The following TENM1 variants were observed in gnomAD, a reference collection of about 807,000 sequenced individuals.
The protein encoded by TENM1 is teneurin transmembrane protein 1, also known as teneurin-1.
A neutral mutation model predicts 174.8 loss-of-function variants in TENM1; 35 were observed. That is an observed-to-expected ratio of 0.20 (90% CI 0.15 to 0.27). TENM1 has a LOEUF of 0.27. TENM1 is among the 10% of genes least tolerant of loss of function. The pLI is 1.00. For missense variants in TENM1, 1,633 were observed against 2,130.1 expected (o/e 0.77, Z 4.59); for synonymous variants, 781 against 798.7 (o/e 0.98, Z 0.37).
intron 6 of TENM1, among the ~76,000 whole-genome samples, chrX:124,667,195 T>A (rs1444544078): frequency 8.9e-6 from 1 of 111,839 alleles, no homozygotes; most frequent in African/African-American, 3.2e-5. Context: ...TATTTTTAAT[T>A]TTATTTATAG....
At chrX:124,610,371 A>G (rs769016967) in intron 11 of TENM1, among the ~76,000 whole-genome samples, 3 of 112,252 alleles carry the variant, frequency 2.7e-5, no homozygotes, top group Non-Finnish European at 5.6e-5. Context: ...CGAAGTCACT[A>G]AAGGAGGAAC....
intron 14 of TENM1, among the ~76,000 whole-genome samples, chrX:124,553,681 A>G (rs2048631295): frequency 9.2e-6 from 1 of 108,790 alleles, no homozygotes; most frequent in Admixed American, 9.9e-5. Flanking sequence ...CTTCTATCAT[A>G]ATATGTATTT....
chrX:125,062,277 T>C, the TENM1 span, among the ~76,000 whole-genome samples: 3 of 112,105 alleles, frequency 2.7e-5, no homozygotes, highest in African/African-American at 9.7e-5. Context: ...ATCATCATTA[T>C]CTGAGAAATA....
At chrX:124,522,616 T>C (rs6649251) in intron 17 of TENM1, among the ~76,000 whole-genome samples, 32,510 of 107,489 alleles carry the variant, frequency 0.3, 5,060 homozygotes, top group African/African-American at 0.61. Context: ...CACAGCTAGA[T>C]GAGAGAACTT....
the TENM1 span, among the ~76,000 whole-genome samples, chrX:125,154,826 C>T: frequency 9.2e-6 from 1 of 108,620 alleles, no homozygotes; most frequent in Admixed American, 9.8e-5. Context: ...GGCGGCGTTT[C>T]TGGAGTTGTT....
the TENM1 span, among the ~76,000 whole-genome samples, chrX:125,025,920 T>C: frequency 9.0e-6 from 1 of 111,539 alleles, no homozygotes; most frequent in Non-Finnish European, 1.9e-5. Context: ...TGCCTAAAGG[T>C]ATACAATGAG....
the TENM1 span, among the ~76,000 whole-genome samples, chrX:125,097,727 G>A: frequency 8.9e-6 from 1 of 112,244 alleles, no homozygotes; most frequent in South Asian, 3.7e-4. Context: ...TGAGTTACAT[G>A]ATTGCACAGA....
At chrX:124,989,130 A>G in the TENM1 span, among the ~76,000 whole-genome samples, 2 of 111,819 alleles carry the variant, frequency 1.8e-5, no homozygotes, top group African/African-American at 6.5e-5. Context: ...CATTATTTGC[A>G]AATGGCACAA....
intron 3 of TENM1, among the ~76,000 whole-genome samples, chrX:124,794,686 T>A (rs1017431596): frequency 4.5e-5 from 5 of 111,332 alleles, no homozygotes; most frequent in Non-Finnish European, 9.4e-5. Context: ...ATCCCACCCC[T>A]TGCTTAAACT....
chrX:125,163,834 T>C, the TENM1 span, among the ~76,000 whole-genome samples: 3 of 111,770 alleles, frequency 2.7e-5, no homozygotes, highest in African/African-American at 9.7e-5. Flanking sequence ...AAGGACTTAT[T>C]TTGCTACTCT....
At chrX:124,881,701 T>G (rs1010076698) in intron 3 of TENM1, among the ~76,000 whole-genome samples, 9 of 109,633 alleles carry the variant, frequency 8.2e-5, no homozygotes. Context: ...TCCCATAGTT[T>G]TTGTTGTTGT....
intron 6 of TENM1, among the ~76,000 whole-genome samples, chrX:124,663,804 A>T (rs2051673217): frequency 9.1e-6 from 1 of 109,969 alleles, no homozygotes; most frequent in Non-Finnish European, 1.9e-5. Context: ...CAAGAATGAA[A>T]CACTAAACAT....
intron 3 of TENM1, among the ~76,000 whole-genome samples, chrX:124,749,737 T>C (rs1239225456): frequency 2.7e-5 from 3 of 112,245 alleles, no homozygotes; most frequent in African/African-American, 9.7e-5. Context: ...CTTTATCATA[T>C]TGGCATTAAG....
intron 3 of TENM1, among the ~76,000 whole-genome samples, chrX:124,756,867 G>A (rs1318680119): frequency 9.0e-6 from 1 of 110,574 alleles, no homozygotes; most frequent in African/African-American, 3.3e-5. Flanking sequence ...TCTCAGAGGA[G>A]TACCCGGCCG....
intron 28 of TENM1, among the ~76,000 whole-genome samples, chrX:124,390,869 A>G (rs1323418050): frequency 8.9e-6 from 1 of 112,201 alleles, no homozygotes; most frequent in African/African-American, 3.2e-5. Flanking sequence ...GACCTGCTCT[A>G]TAAGATTCAG....
intron 25 of TENM1, among the ~76,000 whole-genome samples, chrX:124,411,036 A>C (rs2060525708): frequency 8.9e-6 from 1 of 112,254 alleles, no homozygotes; most frequent in African/African-American, 3.2e-5. Context: ...GCATAGGGGT[A>C]CAAGGGTCAA....
At chrX:124,568,909 C>A (rs1417035291) in intron 11 of TENM1, among the ~76,000 whole-genome samples, 1 of 111,555 alleles carries the variant, frequency 9.0e-6, no homozygotes, top group Non-Finnish European at 1.9e-5. Context: ...ATGGCTAATA[C>A]ATTTCTAACA....
chrX:124,505,242 C>A lies in TENM1; in HGVS notation c.3302-1539G>T, dbSNP rs2047420321. ...CTGGCGGGGATGCCCTTCTATCAGC[C>A]ATCAGCTGGTAAAGACTCATGAAAT... is the stretch of plus-strand genomic sequence containing the variant. On this transcript the variant is annotated intron_variant, in intron 18 of 31. Transcript: ENST00000422452. Among the ~76,000 whole-genome samples, 4 of 112,298 alleles carry A rather than the reference C, an allele frequency of 3.6e-5. 1 individual carries two copies. In the South Asian group the frequency reaches 1.5e-3, roughly 41 times the overall value.
At chrX:125,141,740 G>A in the TENM1 span, among the ~76,000 whole-genome samples, 1 of 111,643 alleles carries the variant, frequency 9.0e-6, no homozygotes, top group South Asian at 3.8e-4. Flanking sequence ...GAAAAACACT[G>A]TGTTTGTGGT....
Sources: gnomAD v4.1 joint callset for allele counts (sites outside exome capture counted in the v4.1 genomes callset) on GRCh38, gnomAD v4.1.1 for gene constraint, MANE v1.5 for transcripts, NCBI Gene and HGNC (gene_info 2026-07-23, HGNC 2026-07-21) for gene names.